Variants in MIOS observed in about 807,000 individuals in gnomAD.
MIOS encodes GATOR2 complex protein MIOS.
Under a neutral mutation model 96.9 loss-of-function variants are expected in MIOS, and 52 were observed. The observed-to-expected ratio is 0.54, with a 90% CI of 0.43 to 0.68. The LOEUF (loss-of-function observed/expected upper bound fraction) is 0.68, where lower values mean the gene tolerates loss of function less well. Ranked by LOEUF, MIOS falls within the 30% of genes least tolerant of loss-of-function variation. The pLI, the probability that MIOS is intolerant of heterozygous loss-of-function variation, is 0.00. For synonymous variants in MIOS, 397 were observed against 359.5 expected, an observed-to-expected ratio of 1.10 and a Z score of -1.18; for missense variants, 1,005 against 1,052.8, an observed-to-expected ratio of 0.95 and a Z score of 0.63.
rs1784586849 is a variant in MIOS at position 7,608,429 on chromosome 7, T to A, written c.*1337T>A. 6.6e-6 allele frequency: 1 copy of A among 152,098 alleles called. No individual in the cohort carries two copies. Among genetic ancestry groups the A allele is most frequent in the Non-Finnish European group, 1.5e-5 (1 of 67,966 alleles). 9.4% of individuals were successfully genotyped at this position (152,098 alleles called of 1,614,324 possible). A position where few individuals can be genotyped will look rare whatever the true frequency, so the allele number is the denominator to read the frequency against. ...GTGTAACCTAAATATTAAAAGTAGATTAAATTTATTTTTTACCTTGAGTGT... is the reference window on the plus strand; with the variant it reads ...GTGTAACCTAAATATTAAAAGTAGAATAAATTTATTTTTTACCTTGAGTGT... On this transcript the variant is annotated 3_prime_UTR_variant, in exon 13 of 13. Coordinates refer to ENST00000340080, the MANE Select transcript of MIOS (RefSeq NM_019005.4).
intron 11 of MIOS, among the ~76,000 whole-genome samples, chr7:7,597,367 T>G (rs1411080169): frequency 2.0e-5 from 3 of 147,140 alleles, no homozygotes; most frequent in Non-Finnish European, 4.5e-5. Flanking sequence ...AAAATAATAA[T>G]AAATAAGAAA....
intron 5 of MIOS, among the ~76,000 whole-genome samples, chr7:7,577,460 G>A (rs1207116938): frequency 6.6e-6 from 1 of 152,190 alleles, no homozygotes; most frequent in African/African-American, 2.4e-5. Flanking sequence ...AAGATACGCA[G>A]TAGGAGGAGA....
In MIOS at chr7:7,607,864, A is replaced by G. The variant is rs774335745; in HGVS notation, c.*772A>G. The stretch of plus-strand genomic sequence containing the variant: ...TTCACTTTCTACCTTTTGCCTTCCA[A>G]TGTCCTGATTTGTCTTCAAAGGTTT... On this transcript the variant is annotated 3_prime_UTR_variant, in exon 13 of 13. Transcript: ENST00000340080. 6 of 152,126 alleles carry G rather than the reference A, an allele frequency of 3.9e-5. No individual in the cohort carries two copies. The highest frequency in any genetic ancestry group is 1.3e-4 in the Admixed American group (2 of 15,264). 9.4% of individuals were successfully genotyped at this position (152,126 alleles called of 1,614,324 possible). A position where few individuals can be genotyped will look rare whatever the true frequency, so the allele number is the denominator to read the frequency against.
chr7:7,604,432 A>G (rs1784468542), intron 11 of MIOS, among the ~76,000 whole-genome samples: 2 of 152,214 alleles, frequency 1.3e-5, no homozygotes, highest in African/African-American at 2.4e-5. Flanking sequence ...CATTATAAAC[A>G]TTATAAATAT....
rs139540111 is a variant in MIOS at position 7,570,526 on chromosome 7, TTATTTC to T, written c.-40-1904_-40-1899del. Reference sequence around the variant, plus strand: ...AAGCGCATTACATTTATTGTGCACTTTATTTCTATTTACATTGTACTATACAATGAA... The same window carrying T: ...AAGCGCATTACATTTATTGTGCACTTTATTTACATTGTACTATACAATGAA... On this transcript the variant is annotated intron_variant, in intron 3 of 12. Transcript: ENST00000340080. 2.6e-3 allele frequency among the ~76,000 whole-genome samples: 399 copies of T among 152,158 alleles called. 4 individuals carry two copies. Among genetic ancestry groups the T allele is most frequent in the African/African-American group, 9.1e-3 (378 of 41,498 alleles).
At chr7:7,599,162 T>G (rs754750485) in intron 11 of MIOS, among the ~76,000 whole-genome samples, 2 of 152,178 alleles carry the variant, frequency 1.3e-5, no homozygotes, top group Non-Finnish European at 2.9e-5. Flanking sequence ...ATCCAATGCC[T>G]TTTAAAAATA....
chr7:7,589,726 G>A (rs1187829720), intron 9 of MIOS, among the ~76,000 whole-genome samples, 163 bp downstream of exon 9: 1 of 152,160 alleles, frequency 6.6e-6, no homozygotes, highest in African/African-American at 2.4e-5. Context: ...TTATCTTACT[G>A]TCCCTAAGCC....
intron 5 of MIOS, among the ~76,000 whole-genome samples, chr7:7,575,961 C>T (rs1563017751): frequency 1.3e-5 from 2 of 151,800 alleles, no homozygotes; most frequent in South Asian, 2.1e-4. Context: ...AAATATGCCA[C>T]TCTTAGATTT....
rs1784576744 is a variant in MIOS, at chr7:7,608,000, G to A, written c.*908G>A. ...GCCATTTAGTATAATCTATGTCAGT[G>A]TTTCTGTGCTGTCAAATTCCGTCCT... On this transcript the variant is annotated 3_prime_UTR_variant, in exon 13 of 13. Coordinates refer to ENST00000340080, the MANE Select transcript of MIOS (RefSeq NM_019005.4). The A allele has an allele frequency of 6.6e-6, 1 of 152,092 alleles. No individual in the cohort carries two copies. The allele number at this position is 152,092 out of a possible 1,614,324, so 9.4% of individuals were successfully genotyped here.
chr7:7,587,677 T>C (rs1023979089), intron 7 of MIOS, among the ~76,000 whole-genome samples: 14 of 152,156 alleles, frequency 9.2e-5, no homozygotes, highest in African/African-American at 3.4e-4. Context: ...AATCTAGTTA[T>C]ATGAAATATG....
chr7:7,586,476 A>G (rs1783890757), intron 7 of MIOS, among the ~76,000 whole-genome samples: 2 of 152,344 alleles, frequency 1.3e-5, no homozygotes, highest in South Asian at 4.1e-4. Context: ...GCTAAACAAT[A>G]GTACTACAAC....
intron 11 of MIOS, among the ~76,000 whole-genome samples, chr7:7,604,096 G>T (rs1484912444): frequency 6.6e-6 from 1 of 151,930 alleles, no homozygotes; most frequent in South Asian, 2.1e-4. Context: ...GATAGCATTA[G>T]GAGATATACC....
At position 7,584,678 on chromosome 7, in the gene MIOS, AT is replaced by A. The variant is rs140949410; in HGVS notation, c.1649-955del. Among the ~76,000 whole-genome samples the A allele has an allele frequency of 6.2e-3, 943 of 152,286 alleles. 6 individuals carry two copies. Among genetic ancestry groups the A allele is most frequent in the South Asian group, 0.014 (67 of 4,828 alleles). ...AACATAAAGTGGGAAACACTGCTTTATTTGGAAAAGAAAGAAAAAGATTAGA... is the reference window on the plus strand; with the variant it reads ...AACATAAAGTGGGAAACACTGCTTTATTGGAAAAGAAAGAAAAAGATTAGA... On this transcript the variant is annotated intron_variant, in intron 6 of 12. Transcript: ENST00000340080.
At chr7:7,590,747 G>C (rs1583645031) in intron 9 of MIOS, among the ~76,000 whole-genome samples, 1 of 151,772 alleles carries the variant, frequency 6.6e-6, no homozygotes, top group East Asian at 1.9e-4. Flanking sequence ...AGATGTTGCT[G>C]TAGATCTAAC....
chr7:7,581,524 C>G (rs1783724532), intron 5 of MIOS, among the ~76,000 whole-genome samples: 1 of 152,060 alleles, frequency 6.6e-6, no homozygotes, highest in African/African-American at 2.4e-5. Context: ...TGTTGAGAGT[C>G]TCAAAAAGGC....
chr7:7,598,346 A>G (rs978629572), intron 11 of MIOS, among the ~76,000 whole-genome samples: 1 of 152,228 alleles, frequency 6.6e-6, no homozygotes, highest in Admixed American at 6.5e-5. Flanking sequence ...TTATCATTAC[A>G]TTAACATTTA....
At chr7:7,597,382 A>G (rs1784234498) in intron 11 of MIOS, among the ~76,000 whole-genome samples, 1 of 146,054 alleles carries the variant, frequency 6.8e-6, no homozygotes, top group South Asian at 2.1e-4. Flanking sequence ...AAGAAAATAC[A>G]TAGAGAAAGT....
In MIOS at chr7:7,583,130, G is replaced by A. The variant is rs573241240; in HGVS notation, c.1406G>A (p.Ser469Asn). The stretch of plus-strand genomic sequence containing the variant: ...TTTCTGTTTTTAGGAATGGTGGAAA[G>A]CAGCAGACATAATTGGAGTGGGTTG... ...IVKSSLGMVE[S>N]SRHNWSGLDK... is the part of the protein sequence containing the mutation. The change falls in exon 6 of 13, where the codon AGC (serine) becomes AAC (asparagine). Residue 469 changes from serine to asparagine, a missense_variant. Ser to Asn is a conservative substitution (Grantham distance 46, BLOSUM62 1). This residue lies in a region of MIOS where 865 missense variants were observed against 887.9 expected (regional missense o/e 0.97). Coordinates refer to ENST00000340080, the MANE Select transcript of MIOS (RefSeq NM_019005.4). 3.7e-6 allele frequency: 6 copies of A among 1,610,594 alleles called. No homozygotes were observed. In the Admixed American group the frequency reaches 6.7e-5, roughly 18 times the overall value.
intron 9 of MIOS, among the ~76,000 whole-genome samples, chr7:7,593,864 G>A (rs1398141232): frequency 1.5e-5 from 2 of 130,386 alleles, no homozygotes; most frequent in Non-Finnish European, 3.1e-5. Flanking sequence ...GGCCGACAGA[G>A]TGAGACTCTG....
Sources: allele counts gnomAD v4.1 joint callset (sites outside exome capture counted in the v4.1 genomes callset), GRCh38; gene constraint gnomAD v4.1.1; regional missense constraint gnomAD v4.1.1; transcripts MANE v1.5; gene names NCBI Gene and HGNC (gene_info 2026-07-23, HGNC 2026-07-21).